The following STRN3 variants were observed in gnomAD, a reference collection of about 807,000 sequenced individuals.
STRN3 encodes the protein striatin 3, also known as striatin-3.
A neutral mutation model predicts 95.6 loss-of-function variants in STRN3; 29 were observed. That is an observed-to-expected ratio of 0.30 (90% CI 0.23 to 0.41). The LOEUF (loss-of-function observed/expected upper bound fraction) is 0.41, where lower values mean the gene tolerates loss of function less well. Among genes scored for constraint, STRN3 ranks in the 10% least tolerant of loss-of-function variants. The pLI, the probability that STRN3 is intolerant of heterozygous loss-of-function variation, is 1.00. For missense variants in STRN3, 890 were observed against 972.1 expected (o/e 0.92, Z 1.12); for synonymous variants, 331 against 357.6 (o/e 0.93, Z 0.84).
At chr14:30,935,100 TTAA>T in intron 7 of STRN3, 60 bp downstream of exon 7, 1 of 1,579,466 alleles carries the variant, frequency 6.3e-7, no homozygotes, top group Non-Finnish European at 8.6e-7. Flanking sequence ...CATATAATAT[TTAA>T]TAATAACCCA....
At chr14:30,907,124 A>G in intron 13 of STRN3, 80 bp from the exon 14 acceptor site, 2 of 1,473,798 alleles carry the variant, frequency 1.4e-6, no homozygotes, top group Non-Finnish European at 1.8e-6. Context: ...AACTTACCAT[A>G]TAACTGAGCA....
rs150226918 is a variant in STRN3, at chr14:30,914,557, T to C, written c.1241-900A>G. Among the ~76,000 whole-genome samples, 453 of 152,298 alleles carry C rather than the reference T, an allele frequency of 3.0e-3. 3 individuals are homozygous for C. Among genetic ancestry groups the C allele is most frequent in the African/African-American group, 0.01 (432 of 41,564 alleles). On this transcript the variant is annotated intron_variant, in intron 9 of 17. Transcript: ENST00000357479. ...TAGTAGAGATGGGCTTTCACCATGTTGGCCAGGCTGGTCTTGACTCCTGAC... is the reference window on the plus strand; with the variant it reads ...TAGTAGAGATGGGCTTTCACCATGTCGGCCAGGCTGGTCTTGACTCCTGAC...
chr14:30,912,231 G>A (rs200377860), intron 10 of STRN3, 49 bp from the exon 11 acceptor site: 1 of 1,546,060 alleles, frequency 6.5e-7, no homozygotes, highest in Admixed American at 2.0e-5. Context: ...TAAACTGGAA[G>A]GCATGTGGAG....
At chr14:30,978,879 CAA>C (rs1472326639) in intron 1 of STRN3, among the ~76,000 whole-genome samples, 1 of 151,666 alleles carries the variant, frequency 6.6e-6, no homozygotes, top group African/African-American at 2.4e-5. Flanking sequence ...CTAAAAAATA[CAA>C]AAGTTAGCTG....
intron 5 of STRN3, among the ~76,000 whole-genome samples, chr14:30,942,746 C>A (rs1182173561): frequency 6.6e-6 from 1 of 152,000 alleles, no homozygotes; most frequent in Non-Finnish European, 1.5e-5. Flanking sequence ...TACAATAGTG[C>A]CACTCACTCG....
intron 5 of STRN3, among the ~76,000 whole-genome samples, chr14:30,945,337 G>T (rs1440873977): frequency 6.6e-6 from 1 of 152,192 alleles, no homozygotes; most frequent in African/African-American, 2.4e-5. Flanking sequence ...CACAATGAAG[G>T]CCGGGTGTGA....
intron 13 of STRN3, among the ~76,000 whole-genome samples, chr14:30,910,575 T>C (rs1896581183): frequency 2.7e-5 from 4 of 147,292 alleles, no homozygotes; most frequent in Admixed American, 2.0e-4. Flanking sequence ...GTTTCCTTTC[T>C]TTTTTTTTTT....
At chr14:30,926,210 A>G (rs1327150503) in intron 8 of STRN3, among the ~76,000 whole-genome samples, 1 of 152,238 alleles carries the variant, frequency 6.6e-6, no homozygotes, top group Non-Finnish European at 1.5e-5. Flanking sequence ...ACACTTTGCT[A>G]AAGACCTTAT....
intron 5 of STRN3, among the ~76,000 whole-genome samples, chr14:30,944,555 AT>A (rs1879260016): frequency 6.1e-5 from 3 of 49,502 alleles, no homozygotes; most frequent in African/African-American, 3.6e-4. Context: ...ATATACACGT[AT>A]ATATATATAT....
At chr14:30,909,618 T>TA (rs1315308737) in intron 13 of STRN3, among the ~76,000 whole-genome samples, 1 of 152,080 alleles carries the variant, frequency 6.6e-6, no homozygotes, top group Admixed American at 6.6e-5. Context: ...TCTGGGACTA[T>TA]AGGCATGTGA....
chr14:30,968,014 C>T (rs1038331648), intron 1 of STRN3, among the ~76,000 whole-genome samples: 4 of 152,126 alleles, frequency 2.6e-5, no homozygotes, highest in Non-Finnish European at 5.9e-5. Context: ...TCTCCTCAAA[C>T]GTGTGAGCTA....
Position 31,026,245 on chromosome 14 carries a change from G to A in STRN3, c.-60C>T, listed in dbSNP as rs1396589640. The A allele has an allele frequency of 1.5e-5, 20 of 1,363,366 alleles. No individual in the cohort carries two copies. Among genetic ancestry groups the A allele is most frequent in the Non-Finnish European group, 1.8e-5 (19 of 1,066,214 alleles). The allele number at this position is 1,363,366 out of a possible 1,614,324, so 84.5% of individuals were successfully genotyped here. A position where few individuals can be genotyped will look rare whatever the true frequency, so the allele number is the denominator to read the frequency against. On this transcript the variant is annotated 5_prime_UTR_variant, in exon 1 of 18. Coordinates refer to ENST00000357479, the MANE Select transcript of STRN3 (RefSeq NM_001083893.2). ...ACGCCGACAGCTGGGGGAAGGGCCG[G>A]AGAGGGTGGCCCCGCGCTGGCTGCG...
Position 30,895,676 on chromosome 14 carries a change from T to G in STRN3, c.2210A>C (p.Tyr737Ser). The G allele has an allele frequency of 6.2e-7, 1 of 1,613,794 alleles. No individual in the cohort carries two copies. Among genetic ancestry groups the G allele is most frequent in the Non-Finnish European group, 8.5e-7 (1 of 1,179,920 alleles). Residue 737 changes from tyrosine (Y) to serine (S), a missense_variant, in exon 17 of 18, where the codon TAT (tyrosine) becomes TCT (serine). Physicochemically the swap from Tyr to Ser is moderately radical, Grantham distance 144. Transcript: ENST00000357479. ...TTAAGACTTACTTCCAGACATCAAA[T>G]AGATTCCATTAGGATCTACTGCTAG... ...TSLAVDPNGI[Y>S]LMSGSHDCSI...
intron 5 of STRN3, among the ~76,000 whole-genome samples, chr14:30,942,670 A>T (rs1373285877): frequency 6.6e-6 from 1 of 152,216 alleles, no homozygotes; most frequent in Non-Finnish European, 1.5e-5. Context: ...GAGTCCTTAT[A>T]AAGTAGATGC....
intron 1 of STRN3, among the ~76,000 whole-genome samples, chr14:31,004,899 G>A (rs1485583980): frequency 6.6e-6 from 1 of 152,104 alleles, no homozygotes; most frequent in African/African-American, 2.4e-5. Flanking sequence ...GACATGCCTG[G>A]AAGAACTAAA....
chr14:31,010,509 T>A lies in STRN3; in HGVS notation c.282+15395A>T, dbSNP rs565898555. On this transcript the variant is annotated intron_variant, in intron 1 of 17. Coordinates refer to ENST00000357479, the MANE Select transcript of STRN3 (RefSeq NM_001083893.2). ...TATAATGTTTGGTGGGTCATTTTTTTAAAATAAGGAAAAATGTTTCCAATA... is the reference window on the plus strand; with the variant it reads ...TATAATGTTTGGTGGGTCATTTTTTAAAAATAAGGAAAAATGTTTCCAATA... 1.0e-3 allele frequency among the ~76,000 whole-genome samples: 155 copies of A among 151,960 alleles called. 1 individual carries two copies. The highest frequency in any genetic ancestry group is 6.9e-4 in the Non-Finnish European group (47 of 67,966).
rs543563587 is a variant in STRN3, at chr14:30,962,279, CTAAG to C, written c.283-6041_283-6038del. ...AGCTGTACAATGTGCTTGTTTTAAACTAAGTGTTATTACAAAAGAGTTAAAACGC... is the reference window on the plus strand; with the variant it reads ...AGCTGTACAATGTGCTTGTTTTAAACTGTTATTACAAAAGAGTTAAAACGC... On this transcript the variant is annotated intron_variant, in intron 1 of 17. Transcript: ENST00000357479. Among the ~76,000 whole-genome samples, 299 of 152,066 alleles carry C rather than the reference CTAAG, an allele frequency of 2.0e-3. 2 individuals are homozygous for C. Among genetic ancestry groups the C allele is most frequent in the African/African-American group, 6.7e-3 (279 of 41,484 alleles).
Position 30,895,269 on chromosome 14 carries a change from T to C in STRN3, c.*142A>G. Reference sequence around the variant, plus strand: ...TAATGAGCTTGACATTAAGATGTGATTTCCACCAATTTGTGCCTGCCCCAG... The same window carrying C: ...TAATGAGCTTGACATTAAGATGTGACTTCCACCAATTTGTGCCTGCCCCAG... On this transcript the variant is annotated 3_prime_UTR_variant, in exon 18 of 18. Transcript: ENST00000357479. 2 of 818,986 alleles carry C rather than the reference T, an allele frequency of 2.4e-6. No homozygotes were observed. Among genetic ancestry groups the C allele is most frequent in the Non-Finnish European group, 3.7e-6 (2 of 544,304 alleles). 50.7% of individuals were successfully genotyped at this position (818,986 alleles called of 1,614,324 possible). A position where few individuals can be genotyped will look rare whatever the true frequency, so the allele number is the denominator to read the frequency against.
intron 7 of STRN3, among the ~76,000 whole-genome samples, chr14:30,929,979 A>AAAT (rs1566441550): frequency 6.8e-6 from 1 of 147,388 alleles, no homozygotes; most frequent in Non-Finnish European, 1.5e-5. Flanking sequence ...AAAAAAAAAA[A>AAAT]CTCAAATTCC....
Sources: gnomAD v4.1 joint callset for allele counts (sites outside exome capture counted in the v4.1 genomes callset) on GRCh38, gnomAD v4.1.1 for gene constraint, MANE v1.5 for transcripts, NCBI Gene and HGNC (gene_info 2026-07-23, HGNC 2026-07-21) for gene names.